The following CBX7 variants were observed in gnomAD, a reference collection of about 807,000 sequenced individuals.
The protein encoded by CBX7 is chromobox protein homolog 7.
In CBX7, 14 loss-of-function variants were observed where a neutral mutation model predicts 31.4. That is an observed-to-expected ratio of 0.45 (90% CI 0.29 to 0.70). The LOEUF is 0.70. Ranked by LOEUF, CBX7 falls within the 30% of genes least tolerant of loss-of-function variation. The pLI is 0.11. For missense variants in CBX7, 269 were observed against 351.9 expected, an observed-to-expected ratio of 0.76 and a Z score of 1.89; for synonymous variants, 159 against 152.6, an observed-to-expected ratio of 1.04 and a Z score of -0.31.
chr22:39,141,433 G>A lies in CBX7; in HGVS notation c.117C>T (p.Tyr39=), dbSNP rs752020580. The A allele has an allele frequency of 1.9e-6, 3 of 1,611,396 alleles. No individual in the cohort carries two copies. The highest frequency in any genetic ancestry group is 2.5e-6 in the Non-Finnish European group (3 of 1,179,102). Residue 39 remains tyrosine (Y), a synonymous_variant, in exon 3 of 6, where the codon TAC becomes TAT. Coordinates refer to ENST00000216133, the MANE Select transcript of CBX7 (RefSeq NM_175709.5). The part of the protein sequence containing the change: ...LVKWKGWPPK[Y]STWEPEEHIL... ...TGTGCTCTTCTGGCTCCCACGTGCT[G>A]TACCTGGGGAGAGGAATGAAAGGTC...
At chr22:39,140,768 G>GGGTGT (rs1346752518) in intron 3 of CBX7, among the ~76,000 whole-genome samples, 2 of 152,154 alleles carry the variant, frequency 1.3e-5, no homozygotes, top group Admixed American at 1.3e-4. Flanking sequence ...AGAACTGTTA[G>GGGTGT]GGTGTGCCCA....
At chr22:39,137,498 G>A (rs113953018) in intron 4 of CBX7, among the ~76,000 whole-genome samples, 32 of 152,134 alleles carry the variant, frequency 2.1e-4, no homozygotes, top group Admixed American at 5.9e-4. Flanking sequence ...ACAGGTGCCC[G>A]CCACCATCCC....
At chr22:39,151,664 A>G (rs568407287) in intron 1 of CBX7, among the ~76,000 whole-genome samples, 1 of 152,284 alleles carries the variant, frequency 6.6e-6, no homozygotes, top group Admixed American at 6.5e-5. Flanking sequence ...AGTGCACGGG[A>G]GGTGTAGACG....
At chr22:39,134,791 C>T (rs909576014) in intron 4 of CBX7, 39 bp from the exon 5 acceptor site, 2 of 1,282,858 alleles carry the variant, frequency 1.6e-6, no homozygotes, top group Non-Finnish European at 2.1e-6. Context: ...TCAGCCCCAC[C>T]CTCCCACCCG....
intron 4 of CBX7, among the ~76,000 whole-genome samples, chr22:39,137,180 T>C (rs1208403203): frequency 2.6e-5 from 4 of 152,132 alleles, no homozygotes; most frequent in African/African-American, 9.7e-5. Context: ...AGACTTCGAA[T>C]TTTTTTAGGA....
At chr22:39,139,368 T>G (rs1930366226) in intron 3 of CBX7, among the ~76,000 whole-genome samples, 1 of 151,782 alleles carries the variant, frequency 6.6e-6, no homozygotes, top group Non-Finnish European at 1.5e-5. Flanking sequence ...GTGGATCACT[T>G]AAGCTCAGGA....
chr22:39,146,177 G>A (rs561285304), intron 2 of CBX7, among the ~76,000 whole-genome samples: 1 of 152,326 alleles, frequency 6.6e-6, no homozygotes, highest in African/African-American at 2.4e-5. Flanking sequence ...AACCCCAGTC[G>A]TATAGGGCTG....
intron 2 of CBX7, chr22:39,148,469 GGGGTGT>G: frequency 6.6e-6 from 1 of 152,452 alleles, no homozygotes; most frequent in East Asian, 1.9e-4. Flanking sequence ...GAGAGAGGCA[GGGGTGT>G]GCGCGCCCAG....
chr22:39,131,798 G>T lies in CBX7; in HGVS notation c.*2093C>A, dbSNP rs913212301. ...GGAAAAAGGTCCTATGTCCCCTGGG[G>T]GATGGGGAGCGTGACTTCTGCTGGA... On this transcript the variant is annotated 3_prime_UTR_variant, in exon 6 of 6. Coordinates refer to ENST00000216133, the MANE Select transcript of CBX7 (RefSeq NM_175709.5). 3 of 152,268 alleles carry T rather than the reference G, an allele frequency of 2.0e-5. No individual in the cohort carries two copies. Among genetic ancestry groups the T allele is most frequent in the Admixed American group, 6.5e-5 (1 of 15,282 alleles). The allele number at this position is 152,268 out of a possible 1,614,324, so 9.4% of individuals were successfully genotyped here. A position where few individuals can be genotyped will look rare whatever the true frequency, so the allele number is the denominator to read the frequency against.
chr22:39,145,572 C>T (rs1260620260), intron 2 of CBX7, among the ~76,000 whole-genome samples: 1 of 151,896 alleles, frequency 6.6e-6, no homozygotes, highest in East Asian at 2.0e-4. Flanking sequence ...CACCGGGGGA[C>T]TGCGGGGGTC....
intron 2 of CBX7, 156 bp downstream of exon 2, chr22:39,149,631 CTG>C: frequency 1.5e-6 from 1 of 681,338 alleles, no homozygotes; most frequent in Non-Finnish European, 2.6e-6. Context: ...CAGGGGGAAA[CTG>C]AGGCCCAGAG....
chr22:39,150,954 G>A (rs1457305891), intron 1 of CBX7, among the ~76,000 whole-genome samples: 1 of 152,192 alleles, frequency 6.6e-6, no homozygotes, highest in Non-Finnish European at 1.5e-5. Context: ...GAAGGCATCT[G>A]TCTGTATCTC....
chr22:39,134,672 G>A lies in CBX7; in HGVS notation c.327C>T (p.Leu109=), dbSNP rs776210340. The A allele has an allele frequency of 2.4e-5, 38 of 1,586,172 alleles. No homozygotes were observed. The highest frequency in any genetic ancestry group is 9.1e-5 in the South Asian group (8 of 87,528). ...CCACCCCCTCAGGGCTCCCGCTGCC[G>A]AGTGGGCACGTCAGGGAGAAGCAGA... ...EKLCFSLTCP[L]GSGSPEGVVK... Residue 109 remains leucine, a synonymous_variant, in exon 5 of 6, where the codon CTC becomes CTT. Coordinates refer to ENST00000216133, the MANE Select transcript of CBX7 (RefSeq NM_175709.5).
intron 2 of CBX7, among the ~76,000 whole-genome samples, chr22:39,144,941 A>G (rs1930590545): frequency 6.6e-6 from 1 of 152,198 alleles, no homozygotes; most frequent in African/African-American, 2.4e-5. Flanking sequence ...CAGCCAGCCC[A>G]GCGTCACTGA....
intron 3 of CBX7, among the ~76,000 whole-genome samples, chr22:39,140,751 G>T (rs1930425364): frequency 6.6e-6 from 1 of 152,186 alleles, no homozygotes; most frequent in Non-Finnish European, 1.5e-5. Flanking sequence ...GGCCAGAGAG[G>T]GCACACAGAA....
Position 39,133,836 on chromosome 22 carries a change from G to A in CBX7, c.*55C>T. 1 of 1,481,636 alleles carries A rather than the reference G, an allele frequency of 6.7e-7. No homozygotes were observed. The highest frequency in any genetic ancestry group is 1.3e-5 in the South Asian group (1 of 75,152). The allele number at this position is 1,481,636 out of a possible 1,614,324, so 91.8% of individuals were successfully genotyped here. A position where few individuals can be genotyped will look rare whatever the true frequency, so the allele number is the denominator to read the frequency against. On this transcript the variant is annotated 3_prime_UTR_variant, in exon 6 of 6. Transcript: ENST00000216133. ...CGCCCCCAACCCATCCCTATCTCTG[G>A]AAGTCCCACCCCAAGCCCAAAAGAA...
Position 39,134,591 on chromosome 22 carries a change from G to T in CBX7, c.408C>A (p.Pro136=). 1.3e-6 allele frequency: 2 copies of T among 1,592,434 alleles called. No homozygotes were observed. Among genetic ancestry groups the T allele is most frequent in the Non-Finnish European group, 1.7e-6 (2 of 1,169,876 alleles). ...VDKGPLVPTL[P]FPLRKPRKAH... ...CCTTTCGGGGCTTGCGGAGCGGGAAGGGCAGGGTGGGCACCAAGGGGCCCT... is the reference window on the plus strand; with the variant it reads ...CCTTTCGGGGCTTGCGGAGCGGGAATGGCAGGGTGGGCACCAAGGGGCCCT... Residue 136 remains proline, a synonymous_variant, in exon 5 of 6, where the codon CCC becomes CCA. Transcript: ENST00000216133.
In CBX7 at chr22:39,133,135, T is replaced by C. The variant is rs894720714; in HGVS notation, c.*756A>G. 6.6e-5 allele frequency: 10 copies of C among 152,296 alleles called. No individual in the cohort carries two copies. The highest frequency in any genetic ancestry group is 1.2e-4 in the African/African-American group (5 of 41,460). The allele number at this position is 152,296 out of a possible 1,614,324, so 9.4% of individuals were successfully genotyped here. A position where few individuals can be genotyped will look rare whatever the true frequency, so the allele number is the denominator to read the frequency against. The stretch of plus-strand genomic sequence containing the variant: ...CCCACGTTCGCCTGGCCAGGGTTTC[T>C]AACCCAGGTTCGCAAGGCCCATGTG... On this transcript the variant is annotated 3_prime_UTR_variant, in exon 6 of 6. Coordinates refer to ENST00000216133, the MANE Select transcript of CBX7 (RefSeq NM_175709.5).
intron 2 of CBX7, among the ~76,000 whole-genome samples, chr22:39,145,305 G>A (rs1930607203): frequency 6.6e-6 from 1 of 152,158 alleles, no homozygotes; most frequent in South Asian, 2.1e-4. Context: ...CCTCCGCAGT[G>A]CAGGAGCCCA....
Sources: allele counts gnomAD v4.1 joint callset (sites outside exome capture counted in the v4.1 genomes callset), GRCh38; gene constraint gnomAD v4.1.1; transcripts MANE v1.5; gene names NCBI Gene and HGNC (gene_info 2026-07-23, HGNC 2026-07-21).